P3H1: variants seen among roughly 807,000 people sequenced by gnomAD.
P3H1 encodes the protein growth suppressor 1.
Under a neutral mutation model 84.0 loss-of-function variants are expected in P3H1, and 69 were observed. That is an observed-to-expected ratio of 0.82 (90% CI 0.68 to 1.00). The LOEUF (loss-of-function observed/expected upper bound fraction) is 1.00. P3H1 is among the 50% of genes least tolerant of loss of function. The pLI is 0.00. For missense variants in P3H1, 878 were observed against 962.8 expected (o/e 0.91, Z 1.17); for synonymous variants, 366 against 388.8 (o/e 0.94, Z 0.69).
chr1:42,747,005 T>C (rs1224941995), intron 14 of P3H1, 153 bp from the exon 15 acceptor site: 2 of 1,614,158 alleles, frequency 1.2e-6, no homozygotes, highest in South Asian at 1.1e-5. Flanking sequence ...AAAGGACAGC[T>C]GAAGTGGGGC....
intron 11 of P3H1, among the ~76,000 whole-genome samples, chr1:42,748,931 T>C (rs1043759802): frequency 6.6e-6 from 1 of 152,210 alleles, no homozygotes; most frequent in Non-Finnish European, 1.5e-5. Flanking sequence ...GGGTGCCTCC[T>C]TCTCCATTCC....
rs1011790349 is a variant in P3H1, at chr1:42,752,302, T to C, written c.1541A>G (p.Tyr514Cys). The change falls in exon 10 of 15, where the codon TAT becomes TGT. Residue 514 changes from tyrosine to cysteine, a missense_variant. Physicochemically the swap from Tyr to Cys is radical, Grantham distance 194. Transcript: ENST00000296388. ...TSPHTPNEKF[Y>C]GVTVFKALKL... ...GAGGGCTTTGAAGACAGTGACACCA[T>C]AGAACTTTTCATTGGGAGTATGTGG... 9.3e-6 allele frequency: 15 copies of C among 1,613,940 alleles called. No individual in the cohort carries two copies. The highest frequency in any genetic ancestry group is 2.2e-5 in the South Asian group (2 of 91,074).
intron 2 of P3H1, chr1:42,760,271 A>C (rs1398419580): frequency 6.6e-6 from 1 of 152,246 alleles, no homozygotes; most frequent in African/African-American, 2.4e-5. Context: ...GGCATGAGCC[A>C]CCGTGCCTGG....
chr1:42,748,639 G>T (rs1423287883), intron 11 of P3H1: 1 of 377,672 alleles, frequency 2.6e-6, no homozygotes, highest in Non-Finnish European at 5.1e-6. Flanking sequence ...GTGAGAATGA[G>T]GGATCAGGAG....
intron 6 of P3H1, among the ~76,000 whole-genome samples, 157 bp downstream of exon 6, chr1:42,755,389 CCT>C (rs1236866697): frequency 6.6e-6 from 1 of 152,078 alleles, no homozygotes; most frequent in Non-Finnish European, 1.5e-5. Flanking sequence ...CCAGTGTTCC[CCT>C]TTCATCTGTC....
Position 42,757,908 on chromosome 1 carries a change from G to A in P3H1, c.955C>T (p.Gln319Ter), listed in dbSNP as rs1326693946. The A allele has an allele frequency of 6.2e-7, 1 of 1,614,154 alleles. No homozygotes were observed. Reference sequence around the variant, plus strand: ...TAGGTCTTGGCACATTCAACAGCCTGTGTATAATTCCCAACTGCAAAGTGG... The same window carrying A: ...TAGGTCTTGGCACATTCAACAGCCTATGTATAATTCCCAACTGCAAAGTGG... ...FAYYNIGNYT[Q>*]AVECAKTYLL... The change falls in exon 5 of 15, where the codon CAG becomes TAG. Residue 319 changes from glutamine (Q) to a stop codon, truncating the protein, a stop_gained. Transcript: ENST00000296388. LOFTEE classifies it high-confidence loss of function.
Position 42,747,202 on chromosome 1 carries a change from C to A in P3H1, c.2055+70G>T, listed in dbSNP as rs115690038. On this transcript the variant is annotated intron_variant, in intron 14 of 14. Coordinates refer to ENST00000296388, the MANE Select transcript of P3H1 (RefSeq NM_022356.4). ...CAATGGGATTTGGGGAAGAGAAAGG[C>A]AAACCAAGGGCGCTCTGGGAACGGG... 2,450 of 1,614,176 alleles carry A rather than the reference C, an allele frequency of 1.5e-3. 37 individuals are homozygous for A. The African/African-American group carries it at 0.028, about 18-fold the overall frequency.
Position 42,766,636 on chromosome 1 carries a change from GC to G in P3H1, c.335del (p.Gly112AlafsTer72). On this transcript the variant is annotated frameshift_variant, in exon 1 of 15. Transcript: ENST00000296388. LOFTEE classifies it high-confidence loss of function. ...GCAGGCAGGCAGCGCGACGCAGAAG[GC>G]CCCCGAAGAAGCTCAGGTCGCGCAG... ...AALRDLSFFG[G>X]LLRRAACLRR... The G allele has an allele frequency of 3.1e-6, 5 of 1,590,268 alleles. No individual in the cohort carries two copies. The highest frequency in any genetic ancestry group is 4.3e-6 in the Non-Finnish European group (5 of 1,168,862).
intron 11 of P3H1, 27 bp from the exon 12 acceptor site, chr1:42,748,344 A>G: frequency 1.3e-6 from 2 of 1,543,932 alleles, no homozygotes; most frequent in Non-Finnish European, 1.8e-6. Context: ...ACATGTTAGC[A>G]AGGGAGCACC....
In P3H1 at chr1:42,757,922, A is replaced by G. The variant is rs1252241356; in HGVS notation, c.941T>C (p.Ile314Thr). 6 of 1,613,744 alleles carry G rather than the reference A, an allele frequency of 3.7e-6. No individual in the cohort carries two copies. The highest frequency in any genetic ancestry group is 2.7e-5 in the African/African-American group (2 of 74,926). The change falls in exon 5 of 15, where the codon ATT (isoleucine) becomes ACT (threonine). Residue 314 changes from isoleucine to threonine, a missense_variant and splice_region_variant. By Grantham distance (89) the Ile-to-Thr change is moderately conservative. Transcript: ENST00000296388. ...TTCAACAGCCTGTGTATAATTCCCA[A>G]CTGCAAAGTGGAAAGAAGAATGGCT... Reference protein sequence around the residue: ...YNYLQFAYYNIGNYTQAVECA... With the variant: ...YNYLQFAYYNTGNYTQAVECA...
intron 4 of P3H1, 86 bp from the exon 5 acceptor site, chr1:42,758,008 G>T: frequency 7.9e-7 from 1 of 1,271,156 alleles, no homozygotes; most frequent in Non-Finnish European, 1.1e-6. Flanking sequence ...TTAGTGTTCA[G>T]TCTCCACAAA....
chr1:42,750,140 A>C (rs1651946095), intron 11 of P3H1, 46 bp downstream of exon 11: 2 of 1,598,102 alleles, frequency 1.3e-6, no homozygotes, highest in Middle Eastern at 3.3e-4. Context: ...CACAGAGCTG[A>C]GGTACAGCAT....
At chr1:42,750,448 G>C (rs925645414) in intron 10 of P3H1, 112 bp from the exon 11 acceptor site, 1 of 1,176,074 alleles carries the variant, frequency 8.5e-7, no homozygotes, top group Admixed American at 1.9e-5. Flanking sequence ...TTGTGGAAGG[G>C]ACCTGGTGGG....
chr1:42,766,666 G>C lies in P3H1; in HGVS notation c.306C>G (p.Ala102=), dbSNP rs1376137519. Residue 102 remains alanine (A), a synonymous_variant, in exon 1 of 15, where the codon GCC becomes GCG. Transcript: ENST00000296388. ...CGAAGAAGCTCAGGTCGCGCAGGGC[G>C]GCGGCGCCCGAGGCCTGGGCCGGGC... The part of the protein sequence containing the change: ...SPSPAQASGA[A]ALRDLSFFGG... 19 of 1,537,402 alleles carry C rather than the reference G, an allele frequency of 1.2e-5. No homozygotes were observed. Among genetic ancestry groups the C allele is most frequent in the Non-Finnish European group, 1.4e-5 (16 of 1,142,606 alleles).
At chr1:42,752,777 C>T (rs916076678) in intron 8 of P3H1, 113 bp from the exon 9 acceptor site, 7 of 1,344,272 alleles carry the variant, frequency 5.2e-6, no homozygotes, top group Non-Finnish European at 5.2e-6. Flanking sequence ...TCCTTTTCAC[C>T]AGCAAAATCT....
rs141310011 is a variant in P3H1 at position 42,755,636 on chromosome 1, C to A, written c.1082G>T (p.Ser361Ile). 6.2e-7 allele frequency: 1 copy of A among 1,612,998 alleles called. No homozygotes were observed. Among genetic ancestry groups the A allele is most frequent in the Admixed American group, 1.7e-5 (1 of 59,994 alleles). ...EHTRSIGPRE[S>I]AKEYRQRSLL... The stretch of plus-strand genomic sequence containing the variant: ...GCTTCGCTGTCGGTACTCCTTGGCA[C>A]TCTGAGGGTAAAAAAGCAAACAAAT... Residue 361 changes from serine (S) to isoleucine (I), a missense_variant and splice_region_variant, in exon 6 of 15, where the codon AGT (serine) becomes ATT (isoleucine). Physicochemically the swap from Ser to Ile is moderately radical, Grantham distance 142 (BLOSUM62 -2). Transcript: ENST00000296388.
At chr1:42,750,030 T>A in intron 11 of P3H1, 156 bp downstream of exon 11, 1 of 836,350 alleles carries the variant, frequency 1.2e-6, no homozygotes, top group Non-Finnish European at 1.9e-6. Context: ...CATGCTACTG[T>A]GGCATGCATC....
In P3H1 at chr1:42,754,316, T is replaced by A. The variant is rs1047982706; in HGVS notation, c.1345+553A>T. Among the ~76,000 whole-genome samples, 1 of 151,802 alleles carries A rather than the reference T, an allele frequency of 6.6e-6. No homozygotes were observed. The highest frequency in any genetic ancestry group is 1.9e-4 in the East Asian group (1 of 5,170). ...GAAGCACTGCAGAGCAGAGCCACAA[T>A]CAGTAGGCCTTCCCAGCAGCTTGCA... On this transcript the variant is annotated intron_variant, in intron 8 of 14. Transcript: ENST00000296388. The surrounding 1 kb of genome is among the most constrained non-coding windows in gnomAD (Gnocchi z 4.0).
intron 14 of P3H1, 196 bp from the exon 15 acceptor site, chr1:42,747,048 CCT>C (rs1244813177): frequency 5.6e-6 from 9 of 1,614,076 alleles, no homozygotes; most frequent in East Asian, 2.2e-5. Context: ...AGCATCGCTC[CCT>C]GTCTTGACCT....
Sources: gnomAD v4.1 joint callset for allele counts (sites outside exome capture counted in the v4.1 genomes callset) on GRCh38, gnomAD v4.1.1 for gene constraint, Gnocchi (gnomAD v3.1) non-coding constraint, MANE v1.5 for transcripts, NCBI Gene and HGNC (gene_info 2026-07-23, HGNC 2026-07-21) for gene names.